ZNF146: variants seen among roughly 807,000 people sequenced by gnomAD.
The protein encoded by ZNF146 is zinc finger protein 146.
ZNF146 carries 9 observed loss-of-function variants against 22.2 expected under a neutral mutation model. The ratio of observed to expected loss-of-function variants is 0.41; its 90% CI spans 0.24 to 0.71. The LOEUF is 0.71. Among genes scored for constraint, ZNF146 ranks in the 30% least tolerant of loss-of-function variants. The pLI, the probability that ZNF146 is intolerant of heterozygous loss-of-function variation, is 0.34. For missense variants in ZNF146, 194 were observed against 344.8 expected (o/e 0.56, Z 3.46); for synonymous variants, 108 against 119.2 (o/e 0.91, Z 0.61).
intron 3 of ZNF146, among the ~76,000 whole-genome samples, chr19:36,230,750 C>T (rs1430627640): frequency 6.6e-6 from 1 of 152,154 alleles, no homozygotes. Flanking sequence ...CAGGTTTCAA[C>T]ATTGATTCTG....
chr19:36,230,476 A>T lies in ZNF146; in HGVS notation c.-783+1657A>T, dbSNP rs75793223. 5.9e-3 allele frequency among the ~76,000 whole-genome samples: 888 copies of T among 150,464 alleles called. 7 individuals are homozygous for T. Among genetic ancestry groups the T allele is most frequent in the African/African-American group, 0.02 (833 of 41,482 alleles). ...AAAGTAAGGGAAAACCGGTATAGAG[A>T]GGGCTAGTTGGGGTTGTAATTTTAA... On this transcript the variant is annotated intron_variant, in intron 3 of 3. Coordinates refer to ENST00000443387, the MANE Select transcript of ZNF146 (RefSeq NM_007145.3).
intron 1 of ZNF146, among the ~76,000 whole-genome samples, chr19:36,216,086 T>A (rs943016347): frequency 5.3e-5 from 8 of 152,164 alleles, no homozygotes; most frequent in Admixed American, 2.0e-4. Context: ...TACAAAAAGT[T>A]AAATAAAGTA....
chr19:36,216,172 A>G (rs1369128748), intron 1 of ZNF146, among the ~76,000 whole-genome samples: 1 of 152,234 alleles, frequency 6.6e-6, no homozygotes, highest in Non-Finnish European at 1.5e-5. Flanking sequence ...ATAGTTGAAG[A>G]AAACTAATAT....
chr19:36,216,042 C>T (rs1286197799), intron 1 of ZNF146, among the ~76,000 whole-genome samples: 1 of 152,108 alleles, frequency 6.6e-6, no homozygotes, highest in African/African-American at 2.4e-5. Flanking sequence ...GAAATCACCC[C>T]GCCCCCGCTG....
chr19:36,236,387 C>G lies in ZNF146; in HGVS notation c.-54C>G. 3 of 1,537,954 alleles carry G rather than the reference C, an allele frequency of 2.0e-6. No individual in the cohort carries two copies. The highest frequency in any genetic ancestry group is 2.6e-6 in the Non-Finnish European group (3 of 1,147,720). ...CAGCCAAAAGTAAATCCTCACTCAT[C>G]AAGAAATTTTTACTGGAGAGAAACC... On this transcript the variant is annotated 5_prime_UTR_variant, in exon 4 of 4. In the 5' UTR this introduces an upstream ATG that the reference lacks. Transcript: ENST00000443387.
chr19:36,217,302 A>T (rs1427236412), intron 1 of ZNF146, among the ~76,000 whole-genome samples: 1 of 151,486 alleles, frequency 6.6e-6, no homozygotes, highest in Non-Finnish European at 1.5e-5. Context: ...ACCTCAAGTG[A>T]TCGGCCCGCC....
rs1022121470 is a variant in ZNF146 at position 36,215,157 on chromosome 19, T to A, written c.-968T>A. On this transcript the variant is annotated 5_prime_UTR_variant, in exon 1 of 4. Transcript: ENST00000443387. ...GGACATTTTGGTCTTTGTCCGCGGG[T>A]CAGTACGGCCCCTGGGTCCACGTGG... 1.3e-5 allele frequency: 2 copies of A among 151,770 alleles called. No homozygotes were observed. The highest frequency in any genetic ancestry group is 4.9e-5 in the African/African-American group (2 of 41,226). 9.4% of individuals were successfully genotyped at this position (151,770 alleles called of 1,614,324 possible).
rs1445915010 is a variant in ZNF146, at chr19:36,232,971, G to C, written c.-782-2688G>C. Among the ~76,000 whole-genome samples, 3 of 152,094 alleles carry C rather than the reference G, an allele frequency of 2.0e-5. 1 individual carries two copies. The highest frequency in any genetic ancestry group is 6.3e-3 in the Middle Eastern group (2 of 316). On this transcript the variant is annotated intron_variant, in intron 3 of 3. Transcript: ENST00000443387. ...GAATCTCTTATGTACCCCCCATGTGGATTGAATAATTAATATTTTGCCACG... is the reference window on the plus strand; with the variant it reads ...GAATCTCTTATGTACCCCCCATGTGCATTGAATAATTAATATTTTGCCACG...
chr19:36,224,515 G>T (rs910169853), intron 2 of ZNF146, among the ~76,000 whole-genome samples: 2 of 152,220 alleles, frequency 1.3e-5, no homozygotes, highest in African/African-American at 4.8e-5. Flanking sequence ...TAGCCCAGGT[G>T]TAACAACCAG....
At chr19:36,234,052 C>G (rs1977528072) in intron 3 of ZNF146, among the ~76,000 whole-genome samples, 1 of 152,126 alleles carries the variant, frequency 6.6e-6, no homozygotes, top group African/African-American at 2.4e-5. Flanking sequence ...TGTGTTGTGT[C>G]TCTGGGTACT....
intron 2 of ZNF146, among the ~76,000 whole-genome samples, chr19:36,224,867 TCTTA>T (rs895285156): frequency 2.0e-5 from 3 of 152,204 alleles, no homozygotes; most frequent in African/African-American, 4.8e-5. Context: ...TTTGGACACT[TCTTA>T]CTAAGTTTAT....
chr19:36,228,173 A>AG lies in ZNF146; in HGVS notation c.-854-575_-854-574insG, dbSNP rs1354246150. Among the ~76,000 whole-genome samples, 113 of 148,664 alleles carry AG rather than the reference A, an allele frequency of 7.6e-4. 1 individual carries two copies. The highest frequency in any genetic ancestry group is 2.7e-3 in the African/African-American group (108 of 39,528). ...GAAACTGTCTCAAAAAAAAAAAAAA[A>AG]AAAAGAAAGAATTTCACTCTCAGTA... On this transcript the variant is annotated intron_variant, in intron 2 of 3. Transcript: ENST00000443387.
intron 3 of ZNF146, among the ~76,000 whole-genome samples, chr19:36,229,431 G>A (rs1977226075): frequency 6.6e-6 from 1 of 152,136 alleles, no homozygotes; most frequent in Non-Finnish European, 1.5e-5. Flanking sequence ...TGTGGCCTCA[G>A]CTTCCTGGCC....
intron 3 of ZNF146, among the ~76,000 whole-genome samples, chr19:36,235,220 AG>A (rs1977600786): frequency 7.0e-6 from 1 of 143,706 alleles, no homozygotes; most frequent in Admixed American, 6.9e-5. Flanking sequence ...AAAAAAAAAA[AG>A]AAGAAAGAAA....
In ZNF146 at chr19:36,237,002, G is replaced by A. The variant is rs759214480; in HGVS notation, c.562G>A (p.Glu188Lys). Residue 188 changes from glutamate (E) to lysine (K), a missense_variant, in exon 4 of 4, where the codon GAA becomes AAA. Glu to Lys is a moderately conservative substitution (Grantham distance 56). This residue lies in a region of ZNF146 where 147 missense variants were observed against 300.1 expected (regional missense o/e 0.49). Coordinates refer to ENST00000443387, the MANE Select transcript of ZNF146 (RefSeq NM_007145.3). Reference sequence around the variant, plus strand: ...TGGAGAGAAACCCTATGAATGTAACGAATGTGGAAAAGCCTTCTCTCAGCG... The same window carrying A: ...TGGAGAGAAACCCTATGAATGTAACAAATGTGGAAAAGCCTTCTCTCAGCG... Reference protein sequence around the residue: ...HTGEKPYECNECGKAFSQRTS... With the variant: ...HTGEKPYECNKCGKAFSQRTS... The A allele has an allele frequency of 6.2e-7, 1 of 1,614,188 alleles. No individual in the cohort carries two copies. The highest frequency in any genetic ancestry group is 8.5e-7 in the Non-Finnish European group (1 of 1,180,026).
chr19:36,230,574 C>T (rs1977289816), intron 3 of ZNF146, among the ~76,000 whole-genome samples: 1 of 152,044 alleles, frequency 6.6e-6, no homozygotes. Flanking sequence ...AGTGGGCGTG[C>T]AGCATTGGGT....
intron 3 of ZNF146, among the ~76,000 whole-genome samples, chr19:36,229,399 G>A (rs921561359): frequency 2.6e-5 from 4 of 152,136 alleles, no homozygotes; most frequent in Admixed American, 2.0e-4. Context: ...GGGTCTATAT[G>A]TATGGCACAA....
chr19:36,218,575 C>T (rs1313582843), intron 2 of ZNF146, among the ~76,000 whole-genome samples: 1 of 151,530 alleles, frequency 6.6e-6, no homozygotes, highest in Non-Finnish European at 1.5e-5. Flanking sequence ...ATGCCATTCT[C>T]CCGCCTCAGC....
chr19:36,219,612 G>A (rs148685164), intron 2 of ZNF146, among the ~76,000 whole-genome samples: 1 of 152,150 alleles, frequency 6.6e-6, no homozygotes, highest in East Asian at 1.9e-4. Context: ...CCAGATGGCT[G>A]GTGATTGTTA....
Sources: allele counts gnomAD v4.1 joint callset (sites outside exome capture counted in the v4.1 genomes callset), GRCh38; gene constraint gnomAD v4.1.1; regional missense constraint gnomAD v4.1.1; transcripts MANE v1.5; gene names NCBI Gene and HGNC (gene_info 2026-07-23, HGNC 2026-07-21).